EIF3G: variants seen among roughly 807,000 people sequenced by gnomAD.
The protein encoded by EIF3G is eukaryotic translation initiation factor 3 subunit G.
A neutral mutation model predicts 41.7 loss-of-function variants in EIF3G; 10 were observed. The ratio of observed to expected loss-of-function variants is 0.24; its 90% CI spans 0.15 to 0.41. EIF3G has a LOEUF of 0.41. EIF3G is among the 10% of genes least tolerant of loss of function. The pLI is 1.00. For synonymous variants in EIF3G, 204 were observed against 172.5 expected, an observed-to-expected ratio of 1.18 and a Z score of -1.43; for missense variants, 297 against 444.0, an observed-to-expected ratio of 0.67 and a Z score of 2.98.
chr19:10,119,303 G>A (rs2089286201), intron 2 of EIF3G, 132 bp from the exon 3 acceptor site: 1 of 1,037,006 alleles, frequency 9.6e-7, no homozygotes. Context: ...GGGCTGGCCA[G>A]GCAACGCACT....
chr19:10,115,316 G>A, intron 10 of EIF3G, 163 bp downstream of exon 10: 1 of 1,102,896 alleles, frequency 9.1e-7, no homozygotes. Context: ...CACAAGAGCT[G>A]CCACCCCTCT....
intron 5 of EIF3G, chr19:10,117,484 G>A: frequency 2.8e-6 from 1 of 352,012 alleles, no homozygotes; most frequent in Non-Finnish European, 5.1e-6. Flanking sequence ...ACTCAGGGAT[G>A]TGCAGGGGTC....
intron 8 of EIF3G, 64 bp downstream of exon 8, chr19:10,115,903 C>A: frequency 1.9e-6 from 3 of 1,605,002 alleles, no homozygotes; most frequent in Middle Eastern, 1.7e-4. Flanking sequence ...GTGCACGCTT[C>A]GGGGATAATT....
In EIF3G at chr19:10,119,106, G is replaced by C; in HGVS notation, c.133C>G (p.Pro45Ala). ...PLATGDTSPE[P>A]ELLPGAPLPP... ...CACTCACCTCCCGGCAGTAGCTCTG[G>C]CTCTGGGCTGGTGTCACCTGTGGCC... is the stretch of plus-strand genomic sequence containing the variant. Residue 45 changes from proline to alanine, a missense_variant, in exon 3 of 11, where the codon CCA becomes GCA. By Grantham distance (27) the Pro-to-Ala change is conservative. Around this residue, in one of 4 missense-constraint regions of EIF3G, gnomAD observed 147 missense variants for 162.4 expected, o/e 0.91. Transcript: ENST00000253108. The C allele has an allele frequency of 3.1e-6, 5 of 1,600,690 alleles. No individual in the cohort carries two copies. Among genetic ancestry groups the C allele is most frequent in the Non-Finnish European group, 4.3e-6 (5 of 1,173,098 alleles).
chr19:10,119,045 C>T (rs1445548130), intron 3 of EIF3G, 43 bp downstream of exon 3: 1 of 1,603,942 alleles, frequency 6.2e-7, no homozygotes, highest in East Asian at 2.2e-5. Flanking sequence ...AGCCCGGACA[C>T]CGAGTGGCAG....
rs1486235385 is a variant in EIF3G, at chr19:10,116,649, A to T, written c.595+151T>A. 1 of 750,800 alleles carries T rather than the reference A, an allele frequency of 1.3e-6. No homozygotes were observed. The highest frequency in any genetic ancestry group is 1.7e-5 in the African/African-American group (1 of 57,332). The allele number at this position is 750,800 out of a possible 1,614,324, so 46.5% of individuals were successfully genotyped here. A position where few individuals can be genotyped will look rare whatever the true frequency, so the allele number is the denominator to read the frequency against. ...TGGGAGACGCCCGTCTCCCAACCATAGGAGGTACAGCCAATTAGGAAGGCA... is the reference window on the plus strand; with the variant it reads ...TGGGAGACGCCCGTCTCCCAACCATTGGAGGTACAGCCAATTAGGAAGGCA... On this transcript the variant is annotated intron_variant, in intron 7 of 10. Transcript: ENST00000253108. This position sits in a 1 kb window ranked among gnomAD's most constrained non-coding sequence, Gnocchi z 4.1.
intron 10 of EIF3G, 116 bp downstream of exon 10, chr19:10,115,363 C>G: frequency 7.6e-7 from 1 of 1,314,360 alleles, no homozygotes; most frequent in African/African-American, 1.5e-5. Flanking sequence ...GGACTGTCCC[C>G]TCAAAACCAG....
At chr19:10,115,412 C>T (rs1225479780) in intron 10 of EIF3G, 67 bp downstream of exon 10, 18 of 1,522,220 alleles carry the variant, frequency 1.2e-5, no homozygotes, top group Admixed American at 3.7e-5. Context: ...TATTGGTTGG[C>T]CCAACACTCC....
chr19:10,115,622 G>C, intron 9 of EIF3G, 37 bp from the exon 10 acceptor site: 1 of 1,612,304 alleles, frequency 6.2e-7, no homozygotes, highest in Non-Finnish European at 8.5e-7. Context: ...CACGAGCTAG[G>C]ACAGGCGACC....
intron 8 of EIF3G, 73 bp from the exon 9 acceptor site, chr19:10,115,893 G>A: frequency 1.2e-6 from 2 of 1,602,396 alleles, no homozygotes; most frequent in Non-Finnish European, 1.7e-6. Flanking sequence ...CAGCCCTCGT[G>A]TGCACGCTTC....
intron 5 of EIF3G, 25 bp from the exon 6 acceptor site, chr19:10,117,213 C>T: frequency 6.4e-7 from 1 of 1,558,586 alleles, no homozygotes. Context: ...GGATGGGGGA[C>T]AGTTGAGGGC....
In EIF3G at chr19:10,119,898, A is replaced by T; in HGVS notation, c.-39T>A. On this transcript the variant is annotated 5_prime_UTR_variant, in exon 1 of 11. Transcript: ENST00000253108. ...CTCCACGCAGCCCAAGCCCGGCCAGAGAGCGGAAGCGGGCGAAAACGAGAC... is the reference window on the plus strand; with the variant it reads ...CTCCACGCAGCCCAAGCCCGGCCAGTGAGCGGAAGCGGGCGAAAACGAGAC... 6.2e-7 allele frequency: 1 copy of T among 1,614,026 alleles called. No individual in the cohort carries two copies. Among genetic ancestry groups the T allele is most frequent in the Non-Finnish European group, 8.5e-7 (1 of 1,180,026 alleles).
rs2089245874 is a variant in EIF3G at position 10,116,169 on chromosome 19, C to G, written c.596-95G>C. 2.3e-6 allele frequency: 3 copies of G among 1,284,620 alleles called. No homozygotes were observed. Among genetic ancestry groups the G allele is most frequent in the Middle Eastern group, 1.9e-4 (1 of 5,284 alleles). 79.6% of individuals were successfully genotyped at this position (1,284,620 alleles called of 1,614,324 possible). ...AGCTCGGGCTTCAGTGTTGAGCCAG[C>G]GCAGGCACTGTGTGCCAAACCACAG... is the stretch of plus-strand genomic sequence containing the variant. On this transcript the variant is annotated intron_variant, in intron 7 of 10. Transcript: ENST00000253108. This position sits in a 1 kb window ranked among gnomAD's most constrained non-coding sequence, Gnocchi z 4.1.
rs555069143 is a variant in EIF3G at position 10,119,332 on chromosome 19, C to A, written c.68-161G>T. On this transcript the variant is annotated intron_variant, in intron 2 of 10. Coordinates refer to ENST00000253108, the MANE Select transcript of EIF3G (RefSeq NM_003755.5). ...ACGCACTGGGATGGCCCTGTGGGGACTCGGAGTGGCAAGGATGGGAGATCC... is the reference window on the plus strand; with the variant it reads ...ACGCACTGGGATGGCCCTGTGGGGAATCGGAGTGGCAAGGATGGGAGATCC... 2.6e-4 allele frequency: 226 copies of A among 866,684 alleles called. No individual in the cohort carries two copies. The African/African-American group carries it at 3.5e-3, about 13-fold the overall frequency. The allele number at this position is 866,684 out of a possible 1,614,324, so 53.7% of individuals were successfully genotyped here. A position where few individuals can be genotyped will look rare whatever the true frequency, so the allele number is the denominator to read the frequency against.
Position 10,115,028 on chromosome 19 carries a change from C to G in EIF3G, c.*86G>C. 1.3e-6 allele frequency: 2 copies of G among 1,582,222 alleles called. No homozygotes were observed. The highest frequency in any genetic ancestry group is 8.6e-7 in the Non-Finnish European group (1 of 1,157,422). ...AAAGAACCAAGTAGAGAGAGTGGAG[C>G]TGCTTTATTGCCCTTGGAGCCCGCG... On this transcript the variant is annotated 3_prime_UTR_variant, in exon 11 of 11. Coordinates refer to ENST00000253108, the MANE Select transcript of EIF3G (RefSeq NM_003755.5).
chr19:10,118,747 A>C lies in EIF3G; in HGVS notation c.241-20T>G, dbSNP rs1288589267. On this transcript the variant is annotated intron_variant, in intron 4 of 10. Coordinates refer to ENST00000253108, the MANE Select transcript of EIF3G (RefSeq NM_003755.5). ...GACAATCTGAGGATGGGAGGGGAGA[A>C]GGGTCAGGCTCCTGGGACCAAGGGA... 2 of 1,613,452 alleles carry C rather than the reference A, an allele frequency of 1.2e-6. No individual in the cohort carries two copies. The highest frequency in any genetic ancestry group is 3.3e-5 in the Admixed American group (2 of 59,890).
In EIF3G at chr19:10,119,793, A is replaced by G. The variant is rs555105912; in HGVS notation, c.20+47T>C. 3.2e-5 allele frequency: 51 copies of G among 1,614,194 alleles called. No individual in the cohort carries two copies. In the South Asian group the frequency reaches 5.2e-4, roughly 16 times the overall value. On this transcript the variant is annotated intron_variant, in intron 1 of 10. Coordinates refer to ENST00000253108, the MANE Select transcript of EIF3G (RefSeq NM_003755.5). Reference sequence around the variant, plus strand: ...ACCCAGGCCCCATAATACTTCCCAGAGCACCCCAACCGCTTCCCGTGCCCC... The same window carrying G: ...ACCCAGGCCCCATAATACTTCCCAGGGCACCCCAACCGCTTCCCGTGCCCC...
rs188059518 is a variant in EIF3G at position 10,117,339 on chromosome 19, C to T, written c.301-151G>A. ...TCAAGCACTCCCTGAACAGTCCTGG[C>T]GACAGTTGTTTCCTGAGTACACGCC... On this transcript the variant is annotated intron_variant, in intron 5 of 10. Coordinates refer to ENST00000253108, the MANE Select transcript of EIF3G (RefSeq NM_003755.5). 448 of 617,340 alleles carry T rather than the reference C, an allele frequency of 7.3e-4. 1 individual carries two copies. Among genetic ancestry groups the T allele is most frequent in the Admixed American group, 1.1e-3 (38 of 33,516 alleles). 38.2% of individuals were successfully genotyped at this position (617,340 alleles called of 1,614,324 possible). A position where few individuals can be genotyped will look rare whatever the true frequency, so the allele number is the denominator to read the frequency against.
chr19:10,115,027 G>A lies in EIF3G; in HGVS notation c.*87C>T. ...AAAAGAACCAAGTAGAGAGAGTGGA[G>A]CTGCTTTATTGCCCTTGGAGCCCGC... On this transcript the variant is annotated 3_prime_UTR_variant, in exon 11 of 11. Coordinates refer to ENST00000253108, the MANE Select transcript of EIF3G (RefSeq NM_003755.5). 6.3e-7 allele frequency: 1 copy of A among 1,579,464 alleles called. No homozygotes were observed. The highest frequency in any genetic ancestry group is 8.7e-7 in the Non-Finnish European group (1 of 1,155,130).
Sources: gnomAD v4.1 joint callset for allele counts on GRCh38, gnomAD v4.1.1 for gene constraint, gnomAD v4.1.1 regional missense constraint, Gnocchi (gnomAD v3.1) non-coding constraint, MANE v1.5 for transcripts, NCBI Gene and HGNC (gene_info 2026-07-23, HGNC 2026-07-21) for gene names.